ATP8B3: variants seen among roughly 807,000 people sequenced by gnomAD.
ATP8B3 encodes ATPase phospholipid transporting 8B3, also known as phospholipid-transporting ATPase IK.
In ATP8B3, 141 loss-of-function variants were observed where a neutral mutation model predicts 140.9. The ratio of observed to expected loss-of-function variants is 1.00; its 90% CI spans 0.87 to 1.15. ATP8B3 has a LOEUF of 1.15. Among genes scored for constraint, ATP8B3 ranks in the 50% most tolerant of loss-of-function variants. The probability of loss-of-function intolerance (pLI) is 0.00; values close to 1 mark genes in which losing one functional copy is unlikely to be tolerated. For missense variants in ATP8B3, 1,874 were observed against 1,740.6 expected (o/e 1.08, Z -1.36); for synonymous variants, 765 against 714.6 (o/e 1.07, Z -1.13).
intron 21 of ATP8B3, 113 bp downstream of exon 21, chr19:1,790,644 C>T (rs535455818): frequency 1.2e-4 from 33 of 286,746 alleles, no homozygotes; most frequent in African/African-American, 6.7e-4. Context: ...CCCTCTCAAT[C>T]CCCCCCTTCC....
rs2068400626 is a variant in ATP8B3 at position 1,789,119 on chromosome 19, G to A, written c.2847C>T (p.Thr949=). 1 of 1,577,436 alleles carries A rather than the reference G, an allele frequency of 6.3e-7. No individual in the cohort carries two copies. Among genetic ancestry groups the A allele is most frequent in the East Asian group, 2.3e-5 (1 of 43,772 alleles). ...CCGCCAGCCCCACGCCCACGTCCGC[G>A]GCTGCAGGGCACAAGCAGCTGGTCA... ...DGANDINMIK[T]ADVGVGLAGQ... Residue 949 remains threonine, a splice_region_variant and synonymous_variant, in exon 24 of 29, where the codon ACC becomes ACT. Coordinates refer to ENST00000310127, the MANE Select transcript of ATP8B3 (RefSeq NM_138813.4).
rs551111703 is a variant in ATP8B3 at position 1,792,877 on chromosome 19, C to T, written c.2056-742G>A. Among the ~76,000 whole-genome samples the T allele has an allele frequency of 4.7e-5, 7 of 149,730 alleles. No individual in the cohort carries two copies. In the South Asian group the frequency reaches 8.5e-4, roughly 18 times the overall value. Reference sequence around the variant, plus strand: ...TTGCAGTGAGCTGAGATCGCCCTATCGCACTCCAGCCTGAGTATCAGAGCA... The same window carrying T: ...TTGCAGTGAGCTGAGATCGCCCTATTGCACTCCAGCCTGAGTATCAGAGCA... On this transcript the variant is annotated intron_variant, in intron 18 of 28. Transcript: ENST00000310127.
Position 1,796,241 on chromosome 19 carries a change from G to T in ATP8B3, c.1778C>A (p.Ser593Tyr). 1 of 1,611,788 alleles carries T rather than the reference G, an allele frequency of 6.2e-7. No homozygotes were observed. Among genetic ancestry groups the T allele is most frequent in the African/African-American group, 1.3e-5 (1 of 75,052 alleles). Reference protein sequence around the residue: ...RPDQLLYQAASPDEGALVTAA... With the variant: ...RPDQLLYQAAYPDEGALVTAA... Reference sequence around the variant, plus strand: ...GGTGACCAGCGCCCCCTCGTCGGGGGAGGCCGCCTGGTACAACAGCTGGTC... The same window carrying T: ...GGTGACCAGCGCCCCCTCGTCGGGGTAGGCCGCCTGGTACAACAGCTGGTC... The change falls in exon 17 of 29, where the codon TCC (serine) becomes TAC (tyrosine). Residue 593 changes from serine (S) to tyrosine (Y), a missense_variant. Around this residue, in one of 3 missense-constraint regions of ATP8B3, gnomAD observed 1,032 missense variants for 963.6 expected, o/e 1.07. Transcript: ENST00000310127.
chr19:1,784,716 C>G, intron 28 of ATP8B3, 103 bp downstream of exon 28: 1 of 1,405,296 alleles, frequency 7.1e-7, no homozygotes, highest in Non-Finnish European at 9.5e-7. Context: ...CTTGGAGGGC[C>G]GAGAGGGGCC....
rs2069075834 is a variant in ATP8B3, at chr19:1,807,915, G to A, written c.516+307C>T. Among the ~76,000 whole-genome samples, 2 of 152,244 alleles carry A rather than the reference G, an allele frequency of 1.3e-5. No homozygotes were observed. The highest frequency in any genetic ancestry group is 6.5e-5 in the Admixed American group (1 of 15,294). On this transcript the variant is annotated intron_variant, in intron 5 of 28. Coordinates refer to ENST00000310127, the MANE Select transcript of ATP8B3 (RefSeq NM_138813.4). This position sits in a 1 kb window ranked among gnomAD's most constrained non-coding sequence, Gnocchi z 5.9. ...TGGGAGGGCGGGGGCCAGGGGAGCT[G>A]CGTGGCCGAGGCCGTTTAGGCTGGG...
Position 1,800,230 on chromosome 19 carries a change from C to T in ATP8B3, c.1343+29G>A, listed in dbSNP as rs112152310. ...CCCATGCCTCCCCGTTCCGCGTTTG[C>T]ACCGGGGACGCAGCCGGCGGAGACT... On this transcript the variant is annotated intron_variant, in intron 13 of 28. Coordinates refer to ENST00000310127, the MANE Select transcript of ATP8B3 (RefSeq NM_138813.4). This position sits in a 1 kb window ranked among gnomAD's most constrained non-coding sequence, Gnocchi z 4.4. The T allele has an allele frequency of 2.3e-5, 37 of 1,606,040 alleles. No homozygotes were observed. The highest frequency in any genetic ancestry group is 3.1e-5 in the Non-Finnish European group (37 of 1,175,866).
chr19:1,794,741 G>C lies in ATP8B3; in HGVS notation c.2055+1134C>G, dbSNP rs1165574788. Among the ~76,000 whole-genome samples, 1 of 152,170 alleles carries C rather than the reference G, an allele frequency of 6.6e-6. No homozygotes were observed. Among genetic ancestry groups the C allele is most frequent in the Non-Finnish European group, 1.5e-5 (1 of 68,012 alleles). On this transcript the variant is annotated intron_variant, in intron 18 of 28. Coordinates refer to ENST00000310127, the MANE Select transcript of ATP8B3 (RefSeq NM_138813.4). The surrounding 1 kb of genome is among the most constrained non-coding windows in gnomAD (Gnocchi z 4.8). ...AAAGGTGCCAAGGCAGCACCTGAGA[G>C]TGGGGAAGTCACAAGCCAGAAACTG...
intron 24 of ATP8B3, 138 bp from the exon 25 acceptor site, chr19:1,787,324 T>G (rs937499234): frequency 9.6e-6 from 6 of 623,818 alleles, no homozygotes; most frequent in Admixed American, 5.5e-5. Context: ...GGGACTGGGG[T>G]GGGGTGAAGT....
rs753667949 is a variant in ATP8B3 at position 1,800,110 on chromosome 19, G to A, written c.1389C>T (p.Asp463=). ...YLGNSVFIDW[D]VQMYYKPQDV... is the part of the protein sequence containing the mutation. ...CCTGCGGCTTGTAGTACATCTGCAC[G>A]TCCCAGTCGATGAAGACGCTGTTCC... The change falls in exon 14 of 29, where the codon GAC becomes GAT. Residue 463 remains aspartate, a synonymous_variant. Coordinates refer to ENST00000310127, the MANE Select transcript of ATP8B3 (RefSeq NM_138813.4). The surrounding 1 kb of genome is among the most constrained non-coding windows in gnomAD (Gnocchi z 4.4). 75 of 1,564,590 alleles carry A rather than the reference G, an allele frequency of 4.8e-5. No individual in the cohort carries two copies. In the Middle Eastern group the frequency reaches 6.7e-4, roughly 14 times the overall value.
chr19:1,784,178 C>T (rs375701411), intron 28 of ATP8B3, among the ~76,000 whole-genome samples: 2 of 152,114 alleles, frequency 1.3e-5, no homozygotes, highest in African/African-American at 4.8e-5. Flanking sequence ...AGGTTGTTTC[C>T]GTCATCTCAA....
Position 1,796,110 on chromosome 19 carries a change from A to G in ATP8B3, c.1909T>C (p.Phe637Leu). The G allele has an allele frequency of 6.2e-7, 1 of 1,612,978 alleles. No individual in the cohort carries two copies. The highest frequency in any genetic ancestry group is 8.5e-7 in the Non-Finnish European group (1 of 1,179,836). Residue 637 changes from phenylalanine (F) to leucine (L), a missense_variant, in exon 17 of 29, where the codon TTC (phenylalanine) becomes CTC (leucine). Phe to Leu is a conservative substitution (Grantham distance 22). Around this residue, in one of 3 missense-constraint regions of ATP8B3, gnomAD observed 1,032 missense variants for 963.6 expected, o/e 1.07. Coordinates refer to ENST00000310127, the MANE Select transcript of ATP8B3 (RefSeq NM_138813.4). ...RVYQVLAIMD[F>L]NSTRKRMSVL... ...GACATCCGTTTGCGCGTGCTGTTGA[A>G]GTCCATTATGGCCAGGACCTGGTAG...
chr19:1,808,806 A>G (rs1306592099), intron 4 of ATP8B3, among the ~76,000 whole-genome samples: 6 of 152,370 alleles, frequency 3.9e-5, no homozygotes, highest in Admixed American at 3.3e-4. Flanking sequence ...GGGACAGGGC[A>G]AATGAGACAC....
intron 3 of ATP8B3, among the ~76,000 whole-genome samples, 183 bp downstream of exon 3, chr19:1,810,439 G>T (rs1426504142): frequency 6.6e-6 from 1 of 152,082 alleles, no homozygotes. Context: ...GCTAATCTTC[G>T]TACTTTTAGT....
At chr19:1,801,825 T>G in intron 12 of ATP8B3, 131 bp downstream of exon 12, 1 of 454,602 alleles carries the variant, frequency 2.2e-6, no homozygotes, top group South Asian at 8.5e-5. Flanking sequence ...AAAAATTTTC[T>G]GGCCCAAAGA....
At position 1,811,628 on chromosome 19, in the gene ATP8B3, C is replaced by T. The variant is rs763251671; in HGVS notation, c.109G>A (p.Gly37Ser). 2.3e-5 allele frequency: 37 copies of T among 1,611,884 alleles called. No individual in the cohort carries two copies. The Middle Eastern group carries it at 9.9e-4, about 43-fold the overall frequency. Residue 37 changes from glycine (G) to serine (S), a missense_variant, in exon 2 of 29, where the codon GGC (glycine) becomes AGC (serine). Coordinates refer to ENST00000310127, the MANE Select transcript of ATP8B3 (RefSeq NM_138813.4). ...DTGDSDVTQE[G>S]SGPAGIRGGE... The stretch of plus-strand genomic sequence containing the variant: ...CCGCGGATGCCAGCAGGACCTGAGC[C>T]TTCCTGAGTCACGTCTGAGTCACCC...
intron 18 of ATP8B3, 64 bp from the exon 19 acceptor site, chr19:1,792,199 C>A: frequency 1.4e-6 from 2 of 1,471,180 alleles, no homozygotes; most frequent in South Asian, 2.7e-5. Flanking sequence ...TCAGCCCTCC[C>A]CAACCCCCTG....
chr19:1,791,954 C>A, intron 19 of ATP8B3, 47 bp downstream of exon 19: 1 of 1,566,238 alleles, frequency 6.4e-7, no homozygotes, highest in South Asian at 1.2e-5. Context: ...CCTTGGGTGC[C>A]CCCGCTGCCC....
intron 18 of ATP8B3, among the ~76,000 whole-genome samples, chr19:1,793,686 C>T (rs2068584840): frequency 6.6e-6 from 1 of 152,210 alleles, no homozygotes; most frequent in East Asian, 1.9e-4. Context: ...CGACCCTGCC[C>T]CCAGCTTTGT....
At position 1,795,880 on chromosome 19, in the gene ATP8B3, A is replaced by C. The variant is rs2068653202; in HGVS notation, c.2050T>G (p.Leu684Val). 6.2e-7 allele frequency: 1 copy of C among 1,605,222 alleles called. No individual in the cohort carries two copies. Among genetic ancestry groups the C allele is most frequent in the Non-Finnish European group, 8.5e-7 (1 of 1,177,390 alleles). Residue 684 changes from leucine to valine, a missense_variant, in exon 18 of 29, where the codon TTG (leucine) becomes GTG (valine). Coordinates refer to ENST00000310127, the MANE Select transcript of ATP8B3 (RefSeq NM_138813.4). ...GAMEFATEEA[L>V]AAFAQETLRT... Reference sequence around the variant, plus strand: ...GCCTTCCTGAAGGGACTCACAGCCAAGGCCTCCTCTGTGGCAAATTCCATT... The same window carrying C: ...GCCTTCCTGAAGGGACTCACAGCCACGGCCTCCTCTGTGGCAAATTCCATT...
Sources: gnomAD v4.1 joint callset for allele counts (sites outside exome capture counted in the v4.1 genomes callset) on GRCh38, gnomAD v4.1.1 for gene constraint, gnomAD v4.1.1 regional missense constraint, Gnocchi (gnomAD v3.1) non-coding constraint, MANE v1.5 for transcripts, NCBI Gene and HGNC (gene_info 2026-07-23, HGNC 2026-07-21) for gene names.